ABTB3: variants seen among roughly 807,000 people sequenced by gnomAD.
ABTB3 encodes the protein ankyrin repeat and BTB domain containing 3.
the ABTB3 span, chr12:107,615,099 C>A: frequency 1.9e-6 from 3 of 1,614,024 alleles, no homozygotes; most frequent in South Asian, 3.3e-5. Context: ...CCGTCCACCC[C>A]GAGACCCGCC....
the ABTB3 span, among the ~76,000 whole-genome samples, chr12:107,490,149 C>T: frequency 6.6e-6 from 1 of 152,110 alleles, no homozygotes; most frequent in Non-Finnish European, 1.5e-5. Context: ...GAGAGAGCAA[C>T]CCCCAATTCA....
the ABTB3 span, among the ~76,000 whole-genome samples, chr12:107,608,960 A>AAAT: frequency 1.3e-5 from 1 of 79,878 alleles, no homozygotes; most frequent in African/African-American, 6.0e-5. Context: ...ATAAAATATA[A>AAAT]AATAAAATAT....
At chr12:107,619,946 C>G in the ABTB3 span, 1 of 1,536,582 alleles carries the variant, frequency 6.5e-7, no homozygotes, top group Admixed American at 2.1e-5. Flanking sequence ...TCTCTCTCCC[C>G]CTCCCCTGCC....
At chr12:107,636,023 C>T in the ABTB3 span, among the ~76,000 whole-genome samples, 1 of 152,214 alleles carries the variant, frequency 6.6e-6, no homozygotes, top group South Asian at 2.1e-4. Context: ...AGCACTTGAC[C>T]TACCCCATCT....
the ABTB3 span, among the ~76,000 whole-genome samples, chr12:107,446,193 A>T: frequency 6.6e-6 from 1 of 152,138 alleles, no homozygotes; most frequent in Non-Finnish European, 1.5e-5. Flanking sequence ...CGCTGAGTGC[A>T]TGGGAAAGAG....
At chr12:107,338,995 A>G in the ABTB3 span, among the ~76,000 whole-genome samples, 5 of 152,138 alleles carry the variant, frequency 3.3e-5, no homozygotes, top group Non-Finnish European at 5.9e-5. Context: ...TCAGCTTATC[A>G]GAGCATTTTG....
the ABTB3 span, among the ~76,000 whole-genome samples, chr12:107,568,683 T>A: frequency 6.6e-6 from 1 of 152,236 alleles, no homozygotes; most frequent in Non-Finnish European, 1.5e-5. Context: ...AAAGTTCTAT[T>A]GGAAGCTACC....
the ABTB3 span, among the ~76,000 whole-genome samples, chr12:107,426,349 G>A: frequency 6.6e-6 from 1 of 152,178 alleles, no homozygotes; most frequent in Non-Finnish European, 1.5e-5. Context: ...TCAGTGCAGA[G>A]CCCAGCCCAT....
At chr12:107,530,106 A>C in the ABTB3 span, among the ~76,000 whole-genome samples, 36 of 152,326 alleles carry the variant, frequency 2.4e-4, no homozygotes, top group South Asian at 3.1e-3. Flanking sequence ...GTGGGAAAAC[A>C]AGAACAGAAG....
the ABTB3 span, chr12:107,618,078 T>C: frequency 7.2e-7 from 1 of 1,392,502 alleles, no homozygotes. Context: ...GTCCCCTGCT[T>C]CCCCAGCCTG....
the ABTB3 span, among the ~76,000 whole-genome samples, chr12:107,543,336 C>T: frequency 1.3e-5 from 1 of 76,290 alleles, no homozygotes; most frequent in Non-Finnish European, 2.3e-5. Flanking sequence ...AAGACTCCAT[C>T]TCAAAAAAAA....
chr12:107,601,464 G>C, the ABTB3 span, among the ~76,000 whole-genome samples: 1 of 152,204 alleles, frequency 6.6e-6, no homozygotes, highest in African/African-American at 2.4e-5. Context: ...TTCTATGAGT[G>C]ATCATGGTTA....
the ABTB3 span, among the ~76,000 whole-genome samples, chr12:107,376,503 G>T: frequency 6.6e-6 from 1 of 152,154 alleles, no homozygotes; most frequent in African/African-American, 2.4e-5. Context: ...ACAGTGTTGT[G>T]TCTGGCTGCA....
At chr12:107,446,045 T>G in the ABTB3 span, among the ~76,000 whole-genome samples, 5 of 151,994 alleles carry the variant, frequency 3.3e-5, no homozygotes, top group African/African-American at 9.7e-5. Context: ...TGCAACCCCC[T>G]TTTGCCCTGT....
At chr12:107,446,955 G>A in the ABTB3 span, among the ~76,000 whole-genome samples, 1 of 152,054 alleles carries the variant, frequency 6.6e-6, no homozygotes, top group Non-Finnish European at 1.5e-5. Flanking sequence ...TAAAAGGGTG[G>A]GATTTTAAAA....
the ABTB3 span, among the ~76,000 whole-genome samples, chr12:107,342,720 A>G: frequency 6.6e-6 from 1 of 151,966 alleles, no homozygotes. Context: ...TGTCATTCCT[A>G]ATTCCAAGCT....
chr12:107,498,945 G>A, the ABTB3 span, among the ~76,000 whole-genome samples: 1 of 152,228 alleles, frequency 6.6e-6, no homozygotes, highest in Non-Finnish European at 1.5e-5. Context: ...GAAAGTGGCT[G>A]GAAGTAGCCA....
the ABTB3 span, among the ~76,000 whole-genome samples, chr12:107,604,806 T>C: frequency 1.3e-5 from 2 of 152,326 alleles, no homozygotes; most frequent in Admixed American, 6.5e-5. Context: ...CAGAGAGATA[T>C]CCACACTCCT....
the ABTB3 span, among the ~76,000 whole-genome samples, chr12:107,516,816 C>G: frequency 6.6e-6 from 1 of 152,194 alleles, no homozygotes; most frequent in South Asian, 2.1e-4. Context: ...TCTGTCTCCC[C>G]TCACCTGCTA....
Sources: allele counts gnomAD v4.1 joint callset (sites outside exome capture counted in the v4.1 genomes callset), GRCh38; gene constraint gnomAD v4.1.1; transcripts MANE v1.5; gene names NCBI Gene and HGNC (gene_info 2026-07-23, HGNC 2026-07-21).